BOD1L1: variants seen among roughly 807,000 people sequenced by gnomAD.
BOD1L1 encodes biorientation of chromosomes in cell division 1 like 1.
Under a neutral mutation model 240.7 loss-of-function variants are expected in BOD1L1, and 86 were observed. The ratio of observed to expected loss-of-function variants is 0.36; its 90% confidence interval spans 0.30 to 0.43. The LOEUF (loss-of-function observed/expected upper bound fraction) is 0.43, where lower values mean the gene tolerates loss of function less well. BOD1L1 is among the 20% of genes least tolerant of loss of function. The pLI is 1.00. For synonymous variants in BOD1L1, 1,268 were observed against 1,272.3 expected (o/e 1.00, Z 0.07); for missense variants, 3,554 against 3,643.5 (o/e 0.98, Z 0.63).
At chr4:13,576,717 G>A in intron 25 of BOD1L1, 121 bp downstream of exon 25, 1 of 1,286,882 alleles carries the variant, frequency 7.8e-7, no homozygotes, top group East Asian at 2.5e-5. Flanking sequence ...AAAAATGAAA[G>A]GGAAGAACTT....
Position 13,613,440 on chromosome 4 carries a change from A to C in BOD1L1, c.1324+72T>G. On this transcript the variant is annotated intron_variant, in intron 5 of 25. Transcript: ENST00000040738. The surrounding 1 kb of genome is among the most constrained non-coding windows in gnomAD (Gnocchi z 4.0). ...CTACTATACCACACTGTTTCTCAGG[A>C]TATAGCCATCAGAATATACAAATAA... 1 of 1,377,456 alleles carries C rather than the reference A, an allele frequency of 7.3e-7. No homozygotes were observed. The highest frequency in any genetic ancestry group is 1.4e-5 in the South Asian group (1 of 68,998). 85.3% of individuals were successfully genotyped at this position (1,377,456 alleles called of 1,614,324 possible). A position where few individuals can be genotyped will look rare whatever the true frequency, so the allele number is the denominator to read the frequency against.
At chr4:13,591,882 AC>A (rs1179715876) in intron 13 of BOD1L1, 40 bp downstream of exon 13, 8 of 1,463,270 alleles carry the variant, frequency 5.5e-6, no homozygotes, top group African/African-American at 1.4e-5. Context: ...AAATTAAAAA[AC>A]CCAATAACCA....
At chr4:13,616,225 G>T (rs1007194254) in intron 2 of BOD1L1, among the ~76,000 whole-genome samples, 1 of 152,200 alleles carries the variant, frequency 6.6e-6, no homozygotes, top group Non-Finnish European at 1.5e-5. Context: ...GAGATGACAG[G>T]CACTAGTACA....
At chr4:13,611,823 A>T (rs575392216) in intron 5 of BOD1L1, among the ~76,000 whole-genome samples, 7 of 152,280 alleles carry the variant, frequency 4.6e-5, no homozygotes, top group African/African-American at 1.7e-4. Context: ...CCACCTCTGA[A>T]TTTCTCATTT....
chr4:13,600,769 T>C lies in BOD1L1; in HGVS notation c.6131A>G (p.Asp2044Gly). The change falls in exon 10 of 26, where the codon GAT becomes GGT. Residue 2044 changes from aspartate (D) to glycine (G), a missense_variant. Coordinates refer to ENST00000040738, the MANE Select transcript of BOD1L1 (RefSeq NM_148894.3). ...ACTGGCTGTAGTTGCCATGAGACCATCACACTCTTCATTTTCTACAGAGGT... is the reference window on the plus strand; with the variant it reads ...ACTGGCTGTAGTTGCCATGAGACCACCACACTCTTCATTTTCTACAGAGGT... ...IITSVENEEC[D>G]GLMATTASGD... The C allele has an allele frequency of 1.2e-6, 2 of 1,614,022 alleles. No individual in the cohort carries two copies. Among genetic ancestry groups the C allele is most frequent in the Non-Finnish European group, 1.7e-6 (2 of 1,179,886 alleles).
intron 2 of BOD1L1, among the ~76,000 whole-genome samples, chr4:13,618,153 A>C (rs1171252586): frequency 6.6e-6 from 1 of 152,218 alleles, no homozygotes; most frequent in Non-Finnish European, 1.5e-5. Context: ...AAATAAAAGA[A>C]TGACTGCTCC....
chr4:13,580,975 G>T, intron 21 of BOD1L1, 45 bp downstream of exon 21: 1 of 1,527,236 alleles, frequency 6.5e-7, no homozygotes, highest in African/African-American at 1.4e-5. Flanking sequence ...CGTTTTTCAG[G>T]TTAAGAGCAA....
At chr4:13,579,811 C>T in intron 22 of BOD1L1, 117 bp downstream of exon 22, 1 of 738,578 alleles carries the variant, frequency 1.4e-6, no homozygotes. Context: ...ATTATTTTTA[C>T]CAAGGGGGCC....
intron 17 of BOD1L1, among the ~76,000 whole-genome samples, chr4:13,583,417 A>G (rs191572428): frequency 1.5e-3 from 222 of 152,298 alleles, no homozygotes; most frequent in African/African-American, 5.1e-3. Flanking sequence ...TTTAATAGAA[A>G]TATATTCTTG....
chr4:13,607,075 C>G (rs1341126375), intron 9 of BOD1L1, 42 bp downstream of exon 9: 1 of 1,332,566 alleles, frequency 7.5e-7, no homozygotes, highest in Non-Finnish European at 1.0e-6. Context: ...CAGCCTATAT[C>G]TAACAAAACA....
chr4:13,574,582 C>G (rs1285931258), intron 25 of BOD1L1, among the ~76,000 whole-genome samples: 2 of 152,158 alleles, frequency 1.3e-5, no homozygotes, highest in Non-Finnish European at 2.9e-5. Flanking sequence ...ATGGAACTTT[C>G]TCTGAGTTGA....
At chr4:13,619,918 C>A in intron 2 of BOD1L1, 25 bp downstream of exon 2, 1 of 1,609,956 alleles carries the variant, frequency 6.2e-7, no homozygotes, top group Non-Finnish European at 8.5e-7. Flanking sequence ...TAAAACCTGC[C>A]CAGAACTCTA....
chr4:13,613,154 C>T lies in BOD1L1; in HGVS notation c.1324+358G>A, dbSNP rs1009804055. On this transcript the variant is annotated intron_variant, in intron 5 of 25. Coordinates refer to ENST00000040738, the MANE Select transcript of BOD1L1 (RefSeq NM_148894.3). This position sits in a 1 kb window ranked among gnomAD's most constrained non-coding sequence, Gnocchi z 4.0. ...AATCTAACGGTGGTCTTAGGGAACC[C>T]GGAACTTGCAACTGGTGCCATTAAT... is the stretch of plus-strand genomic sequence containing the variant. 2.6e-5 allele frequency among the ~76,000 whole-genome samples: 4 copies of T among 152,064 alleles called. No homozygotes were observed. Among genetic ancestry groups the T allele is most frequent in the Admixed American group, 6.6e-5 (1 of 15,254 alleles).
At chr4:13,585,475 G>A (rs1713597843) in intron 17 of BOD1L1, among the ~76,000 whole-genome samples, 1 of 151,988 alleles carries the variant, frequency 6.6e-6, no homozygotes, top group South Asian at 2.1e-4. Context: ...CCCAAGAAGA[G>A]GTATCTAGTA....
chr4:13,587,441 AG>A (rs1713794791), intron 16 of BOD1L1, among the ~76,000 whole-genome samples: 2 of 152,138 alleles, frequency 1.3e-5, no homozygotes, highest in African/African-American at 4.8e-5. Flanking sequence ...GCTGGGCTCC[AG>A]GGTGTGGTTC....
chr4:13,590,893 C>T (rs1714150331), intron 13 of BOD1L1, among the ~76,000 whole-genome samples: 1 of 151,894 alleles, frequency 6.6e-6, no homozygotes. Flanking sequence ...CTATAATATC[C>T]TAAGTCCTAG....
rs764145811 is a variant in BOD1L1 at position 13,582,235 on chromosome 4, ACCT to A, written c.8591_8592+1del. The stretch of plus-strand genomic sequence containing the variant: ...CAAACAAATACGAAAAGCACATCTC[ACCT>A]CCTGAGATTTTATGGTGTCATCATC... On this transcript the variant is annotated splice_donor_variant and coding_sequence_variant, in exon 19 of 26. Transcript: ENST00000040738. LOFTEE classifies it high-confidence loss of function. 3.6e-5 allele frequency: 58 copies of A among 1,610,416 alleles called. No homozygotes were observed. Among genetic ancestry groups the A allele is most frequent in the Middle Eastern group, 1.7e-4 (1 of 6,054 alleles).
rs753363965 is a variant in BOD1L1, at chr4:13,601,081, C to A, written c.5819G>T (p.Gly1940Val). ...GGAGCAGATATCTGTGTCTTTACTT[C>A]CTTTCTCTGTGCCACTCATGCTGTC... ...NVDSMSGTEK[G>V]SKDTDICSSA... Residue 1940 changes from glycine (G) to valine (V), a missense_variant, in exon 10 of 26, where the codon GGA becomes GTA. Transcript: ENST00000040738. The A allele has an allele frequency of 1.2e-6, 2 of 1,613,938 alleles. No homozygotes were observed. The highest frequency in any genetic ancestry group is 3.3e-5 in the Admixed American group (2 of 60,018).
At chr4:13,582,512 T>C in intron 18 of BOD1L1, 140 bp downstream of exon 18, 1 of 710,432 alleles carries the variant, frequency 1.4e-6, no homozygotes, top group South Asian at 1.9e-5. Context: ...TTAAAAATGA[T>C]TCCCTAGCCC....
Sources: gnomAD v4.1 joint callset for allele counts (sites outside exome capture counted in the v4.1 genomes callset) on GRCh38, gnomAD v4.1.1 for gene constraint, Gnocchi (gnomAD v3.1) non-coding constraint, MANE v1.5 for transcripts, NCBI Gene and HGNC (gene_info 2026-07-23, HGNC 2026-07-21) for gene names.